Variants in TMEM232 observed in about 807,000 individuals in gnomAD.
TMEM232 encodes transmembrane protein 232.
Under a neutral mutation model 78.8 loss-of-function variants are expected in TMEM232, and 80 were observed. That is an observed-to-expected ratio of 1.01 (90% confidence interval 0.85 to 1.22). TMEM232 has a LOEUF of 1.22. Among genes scored for constraint, TMEM232 ranks in the 50% most tolerant of loss-of-function variants. TMEM232 has a pLI of 0.00. For synonymous variants in TMEM232, 297 were observed against 254.3 expected (o/e 1.17, Z -1.60); for missense variants, 881 against 742.2 (o/e 1.19, Z -2.17).
intron 2 of TMEM232, among the ~76,000 whole-genome samples, chr5:110,652,284 G>GCA (rs1401931165): frequency 3.8e-5 from 1 of 26,380 alleles, no homozygotes; most frequent in African/African-American, 1.1e-4. Context: ...ACACAAAAGT[G>GCA]CACGCGCGCG....
chr5:110,405,885 C>T (rs1263356464), intron 2 of TMEM232, among the ~76,000 whole-genome samples: 1 of 151,510 alleles, frequency 6.6e-6, no homozygotes, highest in African/African-American at 2.4e-5. Flanking sequence ...TTATATTTTA[C>T]AAATTTTATA....
chr5:110,488,985 A>T (rs550097453), intron 12 of TMEM232, among the ~76,000 whole-genome samples: 2 of 152,042 alleles, frequency 1.3e-5, no homozygotes, highest in East Asian at 3.9e-4. Context: ...AGAAACCAAA[A>T]ACTAGAGAAA....
At chr5:110,658,683 A>G (rs1384377471) in intron 2 of TMEM232, among the ~76,000 whole-genome samples, 7 of 152,190 alleles carry the variant, frequency 4.6e-5, no homozygotes, top group Non-Finnish European at 5.9e-5. Context: ...CTAAGCTTCT[A>G]AACTGTAATG....
At chr5:110,429,625 A>T (rs1336871588) in intron 12 of TMEM232, among the ~76,000 whole-genome samples, 3 of 151,806 alleles carry the variant, frequency 2.0e-5, no homozygotes, top group Non-Finnish European at 4.4e-5. Context: ...GGAAAACTAA[A>T]ATAAATAACC....
At chr5:110,738,240 GA>G (rs1372195282), upstream of TMEM232, 5 of 1,287,178 alleles carry the variant, frequency 3.9e-6, no homozygotes, top group Non-Finnish European at 5.1e-6. Context: ...TGGAGCTAAT[GA>G]AAACAGGTAG....
chr5:110,696,366 G>A (rs1437078140), intron 1 of TMEM232, among the ~76,000 whole-genome samples: 2 of 152,106 alleles, frequency 1.3e-5, no homozygotes, highest in African/African-American at 4.8e-5. Flanking sequence ...GACAAAAACT[G>A]GAAGCATTCC....
intron 2 of TMEM232, among the ~76,000 whole-genome samples, chr5:110,406,318 A>C (rs1231058465): frequency 6.2e-5 from 9 of 146,306 alleles, no homozygotes; most frequent in Non-Finnish European, 1.4e-4. Flanking sequence ...ATGTGTCTAT[A>C]TATAATATTT....
chr5:110,410,772 A>T (rs1393393314), intron 2 of TMEM232, among the ~76,000 whole-genome samples: 1 of 152,154 alleles, frequency 6.6e-6, no homozygotes, highest in East Asian at 1.9e-4. Flanking sequence ...ACATTTCAAG[A>T]AGTGAAATTG....
At chr5:110,696,130 G>A (rs1349402785) in intron 1 of TMEM232, among the ~76,000 whole-genome samples, 1 of 152,162 alleles carries the variant, frequency 6.6e-6, no homozygotes, top group Non-Finnish European at 1.5e-5. Flanking sequence ...TCATCCCTGG[G>A]ATGCAAGGCT....
intron 10 of TMEM232, among the ~76,000 whole-genome samples, chr5:110,587,691 A>ATATATGTGTGTG (rs1209205049): frequency 6.3e-5 from 4 of 63,130 alleles, no homozygotes; most frequent in Non-Finnish European, 8.3e-5. Flanking sequence ...ATATATATAT[A>ATATATGTGTGTG]TGTGTGTGTG....
At chr5:110,528,222 TCTAA>T (rs972589876) in intron 12 of TMEM232, among the ~76,000 whole-genome samples, 3 of 151,950 alleles carry the variant, frequency 2.0e-5, no homozygotes, top group Non-Finnish European at 2.9e-5. Flanking sequence ...TGTTCAAGAC[TCTAA>T]CTTAGATATG....
chr5:110,581,100 CAG>C (rs1468501525), intron 10 of TMEM232, among the ~76,000 whole-genome samples: 2 of 151,632 alleles, frequency 1.3e-5, no homozygotes, highest in Non-Finnish European at 3.0e-5. Context: ...AAGCAATATA[CAG>C]AGTCAACACA....
At chr5:110,482,530 G>A (rs912910810) in intron 12 of TMEM232, among the ~76,000 whole-genome samples, 4 of 149,896 alleles carry the variant, frequency 2.7e-5, no homozygotes, top group Non-Finnish European at 5.9e-5. Context: ...GCAGTGAGCC[G>A]AGATTGCGGC....
At chr5:110,557,120 C>T (rs910940321) in intron 11 of TMEM232, among the ~76,000 whole-genome samples, 6 of 152,012 alleles carry the variant, frequency 3.9e-5, no homozygotes, top group Admixed American at 2.0e-4. Flanking sequence ...TTGAAGAACT[C>T]GTCTTTGAGC....
At chr5:110,608,034 C>T (rs1781727183) in intron 8 of TMEM232, among the ~76,000 whole-genome samples, 1 of 151,832 alleles carries the variant, frequency 6.6e-6, no homozygotes, top group East Asian at 1.9e-4. Flanking sequence ...AGTCAGGTTT[C>T]TGCCAAATAA....
intron 12 of TMEM232, among the ~76,000 whole-genome samples, chr5:110,442,964 G>A (rs1158665214): frequency 1.3e-5 from 2 of 152,144 alleles, no homozygotes; most frequent in Non-Finnish European, 2.9e-5. Context: ...TAAGGCACCT[G>A]GAACCAGGGG....
At chr5:110,418,989 T>G (rs1015345352), downstream of TMEM232, among the ~76,000 whole-genome samples, 1 of 152,158 alleles carries the variant, frequency 6.6e-6, no homozygotes, top group Admixed American at 6.6e-5. Flanking sequence ...AAGGCTCATG[T>G]CACTGATGGC....
intron 1 of TMEM232, among the ~76,000 whole-genome samples, chr5:110,708,327 T>C (rs1332070571): frequency 1.3e-5 from 2 of 152,164 alleles, no homozygotes; most frequent in East Asian, 3.8e-4. Context: ...AGTCCTTTCC[T>C]ACAAGAAATG....
intron 1 of TMEM232, among the ~76,000 whole-genome samples, chr5:110,686,818 C>A (rs1793472565): frequency 6.6e-6 from 1 of 152,048 alleles, no homozygotes; most frequent in South Asian, 2.1e-4. Context: ...AGTTCAAAAA[C>A]AATGTAGGGT....
Sources: allele counts gnomAD v4.1 joint callset (sites outside exome capture counted in the v4.1 genomes callset), GRCh38; gene constraint gnomAD v4.1.1; transcripts MANE v1.5; gene names NCBI Gene and HGNC (gene_info 2026-07-23, HGNC 2026-07-21).